Variants in CYRIB observed in about 807,000 individuals in gnomAD.
The protein encoded by CYRIB is CYFIP-related Rac1 interactor B.
CYRIB carries 8 observed loss-of-function variants against 44.2 expected under a neutral mutation model. That is an observed-to-expected ratio of 0.18 (90% confidence interval 0.11 to 0.33). The LOEUF (loss-of-function observed/expected upper bound fraction) is 0.33, where lower values mean the gene tolerates loss of function less well. Among genes scored for constraint, CYRIB ranks in the 10% least tolerant of loss-of-function variants. CYRIB has a pLI of 1.00. For missense variants in CYRIB, 185 were observed against 382.8 expected, an observed-to-expected ratio of 0.48 and a Z score of 4.31; for synonymous variants, 131 against 127.2, an observed-to-expected ratio of 1.03 and a Z score of -0.20.
intron 2 of CYRIB, among the ~76,000 whole-genome samples, chr8:129,884,615 A>G (rs1244769038): frequency 6.6e-6 from 1 of 152,186 alleles, no homozygotes; most frequent in East Asian, 1.9e-4. Context: ...GCAGACCCAA[A>G]ACACTATTGA....
chr8:129,986,674 C>T (rs2096465686), intron 1 of CYRIB, among the ~76,000 whole-genome samples: 1 of 152,144 alleles, frequency 6.6e-6, no homozygotes. Flanking sequence ...GCACAGATTC[C>T]CCACCAGCAA....
chr8:129,945,909 G>T (rs977873425), intron 2 of CYRIB, among the ~76,000 whole-genome samples: 4 of 152,166 alleles, frequency 2.6e-5, no homozygotes, highest in Non-Finnish European at 5.9e-5. Flanking sequence ...TCCATGAGCT[G>T]CAGCTCAGGT....
intron 1 of CYRIB, among the ~76,000 whole-genome samples, chr8:129,938,204 T>C (rs1564214127): frequency 6.6e-6 from 1 of 152,160 alleles, no homozygotes; most frequent in Non-Finnish European, 1.5e-5. Flanking sequence ...AAACAGGCTA[T>C]CAAATAAACC....
At chr8:129,887,259 C>T (rs969496357) in intron 2 of CYRIB, among the ~76,000 whole-genome samples, 1 of 152,210 alleles carries the variant, frequency 6.6e-6, no homozygotes, top group African/African-American at 2.4e-5. Flanking sequence ...GATTATGTCT[C>T]AAGCTGCTGT....
At chr8:129,872,422 G>C (rs1047885102) in intron 3 of CYRIB, among the ~76,000 whole-genome samples, 5 of 152,072 alleles carry the variant, frequency 3.3e-5, no homozygotes, top group Admixed American at 6.5e-5. Flanking sequence ...ACTAAATCTG[G>C]ATTTCTCTCT....
At chr8:129,920,174 T>C (rs550490455) in intron 1 of CYRIB, among the ~76,000 whole-genome samples, 2 of 152,084 alleles carry the variant, frequency 1.3e-5, no homozygotes, top group Non-Finnish European at 2.9e-5. Context: ...CCTTTATCTT[T>C]AAAACATGTA....
At chr8:129,957,956 C>T (rs1428824545) in intron 2 of CYRIB, among the ~76,000 whole-genome samples, 1 of 136,216 alleles carries the variant, frequency 7.3e-6, no homozygotes, top group Non-Finnish European at 1.6e-5. Flanking sequence ...CAGAACGAGA[C>T]TCCATCTCAA....
intron 2 of CYRIB, among the ~76,000 whole-genome samples, chr8:129,881,801 T>C (rs1157339689): frequency 1.3e-5 from 2 of 152,230 alleles, no homozygotes; most frequent in African/African-American, 4.8e-5. Context: ...TTAGGTGACA[T>C]TAAGCTAAGA....
chr8:130,006,082 C>G (rs1033116123), intron 1 of CYRIB, among the ~76,000 whole-genome samples: 1 of 152,142 alleles, frequency 6.6e-6, no homozygotes, highest in African/African-American at 2.4e-5. Context: ...GCAGGCAGAT[C>G]ACTTGAGGTC....
At chr8:129,881,176 A>T (rs1466790102) in intron 2 of CYRIB, among the ~76,000 whole-genome samples, 3 of 152,204 alleles carry the variant, frequency 2.0e-5, no homozygotes, top group Admixed American at 2.0e-4. Flanking sequence ...ATGTTGCCCA[A>T]GATTTCCATA....
At chr8:130,005,906 C>A (rs2097049171) in intron 1 of CYRIB, among the ~76,000 whole-genome samples, 1 of 152,038 alleles carries the variant, frequency 6.6e-6, no homozygotes, top group Non-Finnish European at 1.5e-5. Flanking sequence ...CCACGCCCAA[C>A]ACCCTCAGAA....
At chr8:129,929,365 G>A (rs2089931516) in intron 1 of CYRIB, among the ~76,000 whole-genome samples, 1 of 152,060 alleles carries the variant, frequency 6.6e-6, no homozygotes, top group African/African-American at 2.4e-5. Flanking sequence ...GCCTGGGGCA[G>A]GGGGTAGTAT....
intron 5 of CYRIB, among the ~76,000 whole-genome samples, chr8:129,859,030 T>C (rs2047756241): frequency 6.6e-6 from 1 of 152,146 alleles, no homozygotes. Context: ...GGGGGACCAC[T>C]ACCACCAAGA....
At chr8:129,889,454 T>C (rs1390612351) in intron 2 of CYRIB, among the ~76,000 whole-genome samples, 1 of 152,202 alleles carries the variant, frequency 6.6e-6, no homozygotes, top group Non-Finnish European at 1.5e-5. Context: ...AAACCTGTCA[T>C]AGATATGGAT....
intron 2 of CYRIB, among the ~76,000 whole-genome samples, chr8:129,945,539 T>C (rs528787855): frequency 2.6e-5 from 4 of 152,260 alleles, no homozygotes; most frequent in African/African-American, 9.6e-5. Flanking sequence ...CTCCCACCAC[T>C]GTACCTTGAG....
At position 129,884,199 on chromosome 8, in the gene CYRIB, T is replaced by C. The variant is rs546452277; in HGVS notation, c.-10-4728A>G. On this transcript the variant is annotated intron_variant, in intron 2 of 11. Coordinates refer to ENST00000519824, the Ensembl canonical transcript of CYRIB. ...TTTTTAAACTAATACCCCTTTTAGCTGTTGAGTTGGATTTCTGCCATCTAA... is the reference window on the plus strand; with the variant it reads ...TTTTTAAACTAATACCCCTTTTAGCCGTTGAGTTGGATTTCTGCCATCTAA... Among the ~76,000 whole-genome samples, 30 of 152,318 alleles carry C rather than the reference T, an allele frequency of 2.0e-4. No individual in the cohort carries two copies. The South Asian group carries it at 5.8e-3, about 29-fold the overall frequency.
chr8:129,963,638 CA>C (rs2095361384), intron 2 of CYRIB, among the ~76,000 whole-genome samples: 1 of 152,190 alleles, frequency 6.6e-6, no homozygotes, highest in African/African-American at 2.4e-5. Context: ...AGTCAGATAA[CA>C]CTGTTGATTC....
At chr8:129,896,216 T>A (rs2067967067) in intron 2 of CYRIB, among the ~76,000 whole-genome samples, 1 of 152,198 alleles carries the variant, frequency 6.6e-6, no homozygotes, top group Non-Finnish European at 1.5e-5. Flanking sequence ...AAAAGCAGCT[T>A]ATTTATCCAA....
At chr8:129,910,377 T>C (rs925061178) in intron 1 of CYRIB, among the ~76,000 whole-genome samples, 3 of 152,058 alleles carry the variant, frequency 2.0e-5, no homozygotes, top group Non-Finnish European at 4.4e-5. Context: ...TTATACCTAG[T>C]GCCAAATTGC....
Sources: gnomAD v4.1 joint callset for allele counts (sites outside exome capture counted in the v4.1 genomes callset) on GRCh38, gnomAD v4.1.1 for gene constraint, MANE v1.5 for transcripts, NCBI Gene and HGNC (gene_info 2026-07-23, HGNC 2026-07-21) for gene names.